The following KLHL29 variants were observed in gnomAD, a reference collection of about 807,000 sequenced individuals.
KLHL29 encodes kelch-like protein 29.
In KLHL29, 21 loss-of-function variants were observed where a neutral mutation model predicts 80.4. The ratio of observed to expected loss-of-function variants is 0.26; its 90% CI spans 0.19 to 0.38. The LOEUF is 0.38. Among genes scored for constraint, KLHL29 ranks in the 10% least tolerant of loss-of-function variants. The probability of loss-of-function intolerance (pLI) is 1.00; values close to 1 mark genes in which losing one functional copy is unlikely to be tolerated. For synonymous variants in KLHL29, 511 were observed against 526.8 expected, an observed-to-expected ratio of 0.97 and a Z score of 0.41; for missense variants, 867 against 1,223.9, an observed-to-expected ratio of 0.71 and a Z score of 4.35.
chr2:23,612,444 A>G (rs916673089), intron 3 of KLHL29, among the ~76,000 whole-genome samples: 1 of 152,204 alleles, frequency 6.6e-6, no homozygotes, highest in African/African-American at 2.4e-5. Context: ...CAGTGAAATA[A>G]TTTGTCACCA....
In KLHL29 at chr2:23,412,127, G is replaced by GCA. The variant is rs1353716717; in HGVS notation, c.-154+26347_-154+26348insCA. ...GCAAAAATGTGTGTGCGTGAAGGGG[G>GCA]GGGGGGGGCGGTGCGGTAGAGGTAG... is the stretch of plus-strand genomic sequence containing the variant. On this transcript the variant is annotated intron_variant, in intron 1 of 13. Transcript: ENST00000486442. Among the ~76,000 whole-genome samples, 11 of 134,634 alleles carry GCA rather than the reference G, an allele frequency of 8.2e-5. No individual in the cohort carries two copies. In the South Asian group the frequency reaches 2.0e-3, roughly 25 times the overall value. The allele number at this position is 134,634 out of a possible 152,430, so 88.3% of individuals were successfully genotyped here. A position where few individuals can be genotyped will look rare whatever the true frequency, so the allele number is the denominator to read the frequency against.
chr2:23,662,189 A>T (rs1178582336), intron 5 of KLHL29, among the ~76,000 whole-genome samples: 1 of 152,156 alleles, frequency 6.6e-6, no homozygotes, highest in Non-Finnish European at 1.5e-5. Flanking sequence ...ATGCTGAAAA[A>T]TTTTGACTTA....
chr2:23,386,841 GGGGAAGGCGGGGACGCGCTGCCTGCCTGC>G (rs1666195781), intron 1 of KLHL29, among the ~76,000 whole-genome samples: 1 of 152,156 alleles, frequency 6.6e-6, no homozygotes, highest in Non-Finnish European at 1.5e-5. Flanking sequence ...TGCGTTGCCT[GGGGAAGGCGGGGACGCGCTGCCTGCCTGC>G]GGCCAGCCGT....
intron 2 of KLHL29, among the ~76,000 whole-genome samples, chr2:23,481,728 T>A (rs1359207813): frequency 6.6e-6 from 1 of 152,180 alleles, no homozygotes; most frequent in Non-Finnish European, 1.5e-5. Context: ...CCAGCCTGAC[T>A]GACATGGCGA....
chr2:23,684,452 A>T lies in KLHL29; in HGVS notation c.994A>T (p.Lys332Ter). The T allele has an allele frequency of 6.4e-7, 1 of 1,551,004 alleles. No homozygotes were observed. The highest frequency in any genetic ancestry group is 8.7e-7 in the Non-Finnish European group (1 of 1,146,768). Residue 332 changes from lysine (K) to a stop codon, truncating the protein, a stop_gained, in exon 6 of 14, where the codon AAA (lysine) becomes TAA (stop). Transcript: ENST00000486442. LOFTEE classifies it high-confidence loss of function. The surrounding 1 kb of genome is among the most constrained non-coding windows in gnomAD (Gnocchi z 4.4). ...QRRAKAFTDL[K>*]IVVEGREFEV... ...CAGAGCGAAAGCGTTTACAGACCTG[A>T]AAATTGTTGTTGAAGGCAGAGAGTT...
intron 2 of KLHL29, among the ~76,000 whole-genome samples, chr2:23,560,846 G>A (rs933522231): frequency 3.3e-5 from 5 of 152,230 alleles, no homozygotes; most frequent in Non-Finnish European, 5.9e-5. Flanking sequence ...GGCACTAGAA[G>A]TTGACAACTA....
intron 2 of KLHL29, among the ~76,000 whole-genome samples, chr2:23,499,864 G>T (rs1665387794): frequency 6.6e-6 from 1 of 152,272 alleles, no homozygotes; most frequent in Non-Finnish European, 1.5e-5. Flanking sequence ...GCATTCTCTA[G>T]AAATAGTCTT....
intron 2 of KLHL29, among the ~76,000 whole-genome samples, chr2:23,521,457 A>G (rs1206447399): frequency 6.6e-6 from 1 of 152,212 alleles, no homozygotes; most frequent in Non-Finnish European, 1.5e-5. Context: ...TCTCCCTAGT[A>G]CAGTGAAGCT....
chr2:23,572,185 G>A (rs1282585900), intron 3 of KLHL29, among the ~76,000 whole-genome samples: 2 of 152,114 alleles, frequency 1.3e-5, no homozygotes, highest in South Asian at 4.1e-4. Context: ...ACTGGAGAGC[G>A]TCACCCCACC....
At position 23,555,927 on chromosome 2, in the gene KLHL29, T is replaced by C. The variant is rs542575048; in HGVS notation, c.-45-6225T>C. Among the ~76,000 whole-genome samples, 58 of 152,338 alleles carry C rather than the reference T, an allele frequency of 3.8e-4. No homozygotes were observed. The South Asian group carries it at 0.012, about 32-fold the overall frequency. On this transcript the variant is annotated intron_variant, in intron 2 of 13. Coordinates refer to ENST00000486442, the MANE Select transcript of KLHL29 (RefSeq NM_052920.2). ...CTGCATTTGGTGATGCTGGGGGACC[T>C]TGTCCTAAGGTTTGGGGTGCACCTG... is the stretch of plus-strand genomic sequence containing the variant.
intron 5 of KLHL29, among the ~76,000 whole-genome samples, chr2:23,658,756 G>A (rs911187326): frequency 3.5e-4 from 53 of 152,250 alleles, no homozygotes; most frequent in African/African-American, 1.2e-3. Context: ...TGCTGACGCA[G>A]AGGAAAGGGG....
At chr2:23,612,856 G>C (rs1325885167) in intron 3 of KLHL29, among the ~76,000 whole-genome samples, 1 of 151,966 alleles carries the variant, frequency 6.6e-6, no homozygotes, top group Non-Finnish European at 1.5e-5. Context: ...GCAATGAAAA[G>C]CAACAAAAAA....
At chr2:23,557,931 C>A (rs1437559024) in intron 2 of KLHL29, among the ~76,000 whole-genome samples, 1 of 152,110 alleles carries the variant, frequency 6.6e-6, no homozygotes, top group African/African-American at 2.4e-5. Flanking sequence ...ATTCACGCCC[C>A]CAGTATGCAA....
chr2:23,662,068 G>A (rs1242774538), intron 5 of KLHL29, among the ~76,000 whole-genome samples: 1 of 152,198 alleles, frequency 6.6e-6, no homozygotes, highest in Non-Finnish European at 1.5e-5. Context: ...CAAGCTCCAG[G>A]TGCTCCGTAG....
chr2:23,613,383 C>T lies in KLHL29; in HGVS notation c.286-25756C>T, dbSNP rs555568202. Among the ~76,000 whole-genome samples, 118 of 152,290 alleles carry T rather than the reference C, an allele frequency of 7.7e-4. 1 individual carries two copies. The highest frequency in any genetic ancestry group is 2.3e-3 in the African/African-American group (95 of 41,556). On this transcript the variant is annotated intron_variant, in intron 3 of 13. Coordinates refer to ENST00000486442, the MANE Select transcript of KLHL29 (RefSeq NM_052920.2). ...GGGTAGAGGAAGGCAAAAAGATATA[C>T]TATGCATAAAAGCAGGTGTAGCTAC...
intron 2 of KLHL29, among the ~76,000 whole-genome samples, chr2:23,526,449 C>A (rs1666321158): frequency 6.6e-6 from 1 of 152,164 alleles, no homozygotes; most frequent in Non-Finnish European, 1.5e-5. Flanking sequence ...TCTGCAGGGG[C>A]CGGGGGAGGA....
intron 5 of KLHL29, among the ~76,000 whole-genome samples, chr2:23,655,279 TAA>T (rs1670214561): frequency 1.3e-5 from 2 of 152,192 alleles, no homozygotes; most frequent in African/African-American, 4.8e-5. Context: ...GCCAATGCAA[TAA>T]AGTTAATGGA....
At chr2:23,518,096 A>G (rs896058311) in intron 2 of KLHL29, among the ~76,000 whole-genome samples, 13 of 152,164 alleles carry the variant, frequency 8.5e-5, no homozygotes, top group Non-Finnish European at 1.5e-4. Context: ...TAATAATTAG[A>G]GTAACCCCCT....
intron 1 of KLHL29, among the ~76,000 whole-genome samples, chr2:23,391,352 C>T (rs1572475528): frequency 6.6e-6 from 1 of 152,200 alleles, no homozygotes; most frequent in East Asian, 1.9e-4. Context: ...AATAACGCTG[C>T]TGTGAACAGG....
Sources: gnomAD v4.1 joint callset for allele counts (sites outside exome capture counted in the v4.1 genomes callset) on GRCh38, gnomAD v4.1.1 for gene constraint, Gnocchi (gnomAD v3.1) non-coding constraint, MANE v1.5 for transcripts, NCBI Gene and HGNC (gene_info 2026-07-23, HGNC 2026-07-21) for gene names.